The following GRID2 variants were observed in gnomAD, a reference collection of about 807,000 sequenced individuals.
GRID2 encodes the protein glutamate ionotropic receptor delta type subunit 2.
GRID2 carries 33 observed loss-of-function variants against 114.8 expected under a neutral mutation model. The ratio of observed to expected loss-of-function variants is 0.29; its 90% CI spans 0.22 to 0.38. GRID2 has a LOEUF of 0.38. Ranked by LOEUF, GRID2 falls within the 10% of genes least tolerant of loss-of-function variation. GRID2 has a pLI of 1.00. For missense variants in GRID2, 1,184 were observed against 1,257.7 expected (o/e 0.94, Z 0.89); for synonymous variants, 505 against 449.9 (o/e 1.12, Z -1.55).
chr4:92,315,464 T>G (rs1440108860), intron 1 of GRID2, among the ~76,000 whole-genome samples: 1 of 152,204 alleles, frequency 6.6e-6, no homozygotes, highest in African/African-American at 2.4e-5. Context: ...ATTTTCTATT[T>G]ACTAGTTCAT....
At chr4:92,752,195 A>G (rs1737485806) in intron 2 of GRID2, among the ~76,000 whole-genome samples, 1 of 152,216 alleles carries the variant, frequency 6.6e-6, no homozygotes, top group African/African-American at 2.4e-5. Context: ...TGGATTCATG[A>G]AACTTCAATT....
chr4:92,689,334 T>C (rs1219172703), intron 2 of GRID2, among the ~76,000 whole-genome samples: 2 of 152,212 alleles, frequency 1.3e-5, no homozygotes, highest in Admixed American at 1.3e-4. Flanking sequence ...AGATGGCGTC[T>C]TCTTCCAATA....
At chr4:93,725,463 T>C (rs986175710) in intron 14 of GRID2, among the ~76,000 whole-genome samples, 1 of 152,160 alleles carries the variant, frequency 6.6e-6, no homozygotes, top group African/African-American at 2.4e-5. Flanking sequence ...TGTGTCTTTA[T>C]AGCAGCATGA....
chr4:93,624,634 A>G (rs79125464), intron 13 of GRID2, among the ~76,000 whole-genome samples: 1 of 152,170 alleles, frequency 6.6e-6, no homozygotes. Context: ...CCCCAGTAAC[A>G]TTTCTAATAC....
intron 2 of GRID2, among the ~76,000 whole-genome samples, chr4:92,729,711 A>G (rs754937320): frequency 2.0e-5 from 3 of 152,032 alleles, no homozygotes; most frequent in Non-Finnish European, 4.4e-5. Context: ...AATGTAAGCT[A>G]GTTTACCTGC....
intron 10 of GRID2, among the ~76,000 whole-genome samples, chr4:93,441,859 A>G (rs1305731840): frequency 1.8e-5 from 2 of 111,590 alleles, no homozygotes; most frequent in South Asian, 3.1e-4. Context: ...TTCTTAACTA[A>G]GAACAAAAAA....
At chr4:93,548,153 G>A (rs1473431923) in intron 13 of GRID2, among the ~76,000 whole-genome samples, 1 of 151,828 alleles carries the variant, frequency 6.6e-6, no homozygotes, top group African/African-American at 2.4e-5. Flanking sequence ...CTTCAGCCTG[G>A]GTGACAGAGT....
At chr4:92,687,760 C>A in intron 2 of GRID2, among the ~76,000 whole-genome samples, 1 of 151,900 alleles carries the variant, frequency 6.6e-6, no homozygotes, top group East Asian at 2.0e-4. Flanking sequence ...ACCCAGGAGG[C>A]GGAGCTTGCA....
chr4:93,128,057 A>AC (rs1734458527), intron 4 of GRID2, among the ~76,000 whole-genome samples: 2 of 119,530 alleles, frequency 1.7e-5, no homozygotes, highest in South Asian at 2.5e-4. Context: ...AAAAAAAAAA[A>AC]AACAACAGTA....
chr4:92,962,509 G>A (rs1356168953), intron 2 of GRID2, among the ~76,000 whole-genome samples: 1 of 151,828 alleles, frequency 6.6e-6, no homozygotes, highest in Non-Finnish European at 1.5e-5. Context: ...GCTGGAGTTG[G>A]GCATTTCCCT....
intron 2 of GRID2, among the ~76,000 whole-genome samples, chr4:92,601,876 A>G (rs1729230730): frequency 6.6e-6 from 1 of 152,152 alleles, no homozygotes; most frequent in Admixed American, 6.6e-5. Context: ...AGAGAATACT[A>G]TAAACACCTC....
chr4:93,692,389 G>A (rs1726646806), intron 14 of GRID2, among the ~76,000 whole-genome samples: 1 of 152,054 alleles, frequency 6.6e-6, no homozygotes, highest in Admixed American at 6.6e-5. Flanking sequence ...CCCTATAAAT[G>A]CCCTCATGGG....
intron 1 of GRID2, among the ~76,000 whole-genome samples, chr4:92,486,560 C>CAT (rs1035055626): frequency 2.7e-5 from 4 of 149,870 alleles, no homozygotes; most frequent in African/African-American, 9.8e-5. Context: ...CACACACACA[C>CAT]ACACACACAC....
At chr4:93,346,202 T>C (rs926295040) in intron 8 of GRID2, among the ~76,000 whole-genome samples, 2 of 152,184 alleles carry the variant, frequency 1.3e-5, no homozygotes, top group African/African-American at 4.8e-5. Context: ...AGTAGTTTGA[T>C]TTCAAATGTG....
At chr4:92,940,563 T>C (rs1751033332) in intron 2 of GRID2, among the ~76,000 whole-genome samples, 1 of 152,204 alleles carries the variant, frequency 6.6e-6, no homozygotes. Flanking sequence ...CTTTATTTCC[T>C]TCCCCTGCCT....
chr4:93,710,550 C>T (rs1728396508), intron 14 of GRID2, among the ~76,000 whole-genome samples: 1 of 152,126 alleles, frequency 6.6e-6, no homozygotes, highest in South Asian at 2.1e-4. Context: ...AGTACTGGGT[C>T]TTGCCCAAGG....
intron 2 of GRID2, among the ~76,000 whole-genome samples, chr4:93,052,884 T>G (rs751444470): frequency 2.0e-5 from 3 of 151,902 alleles, no homozygotes; most frequent in Admixed American, 1.3e-4. Context: ...AAGCGTTTTA[T>G]TCTTAATTTT....
intron 8 of GRID2, among the ~76,000 whole-genome samples, chr4:93,364,958 AT>A (rs1363732049): frequency 6.6e-6 from 1 of 152,078 alleles, no homozygotes; most frequent in African/African-American, 2.4e-5. Context: ...CCCAACTGTT[AT>A]TTTTATTCTG....
At chr4:92,913,861 A>G (rs963452007) in intron 2 of GRID2, among the ~76,000 whole-genome samples, 1 of 152,188 alleles carries the variant, frequency 6.6e-6, no homozygotes, top group Non-Finnish European at 1.5e-5. Flanking sequence ...CTCTTCCCTC[A>G]CAAAAAATGA....
Sources: gnomAD v4.1 joint callset for allele counts (sites outside exome capture counted in the v4.1 genomes callset) on GRCh38, gnomAD v4.1.1 for gene constraint, MANE v1.5 for transcripts, NCBI Gene and HGNC (gene_info 2026-07-23, HGNC 2026-07-21) for gene names.